CADPS: variants seen among roughly 807,000 people sequenced by gnomAD.
CADPS encodes calcium dependent secretion activator, also known as calcium-dependent secretion activator 1.
CADPS carries 57 observed loss-of-function variants against 167.3 expected under a neutral mutation model. The observed-to-expected ratio is 0.34, with a 90% CI of 0.28 to 0.42. The LOEUF (loss-of-function observed/expected upper bound fraction) is 0.42. Ranked by LOEUF, CADPS falls within the 20% of genes least tolerant of loss-of-function variation. CADPS has a pLI of 1.00. For missense variants in CADPS, 1,414 were observed against 1,738.1 expected, an observed-to-expected ratio of 0.81 and a Z score of 3.32; for synonymous variants, 676 against 635.3, an observed-to-expected ratio of 1.06 and a Z score of -0.96.
intron 7 of CADPS, among the ~76,000 whole-genome samples, chr3:62,591,802 C>T (rs1350474004): frequency 6.6e-6 from 1 of 152,086 alleles, no homozygotes; most frequent in Non-Finnish European, 1.5e-5. Flanking sequence ...ATAATTGGTG[C>T]CAGTCCCTGT....
chr3:62,731,366 A>G (rs939263225), intron 3 of CADPS, among the ~76,000 whole-genome samples: 8 of 152,152 alleles, frequency 5.3e-5, no homozygotes, highest in African/African-American at 1.9e-4. Context: ...GCTGCTGCCT[A>G]CTTTGGAGGT....
chr3:62,704,518 G>T (rs1257508396), intron 3 of CADPS, among the ~76,000 whole-genome samples: 1 of 151,978 alleles, frequency 6.6e-6, no homozygotes. Flanking sequence ...TTTACTTTTT[G>T]TGCCCCCAAC....
intron 3 of CADPS, among the ~76,000 whole-genome samples, chr3:62,699,009 G>A (rs1177999061): frequency 4.0e-5 from 6 of 151,888 alleles, no homozygotes; most frequent in African/African-American, 1.2e-4. Flanking sequence ...GTGGTGTTTG[G>A]TTACATGAAT....
intron 6 of CADPS, among the ~76,000 whole-genome samples, chr3:62,621,096 T>G (rs1266805061): frequency 1.3e-5 from 2 of 152,194 alleles, no homozygotes; most frequent in Admixed American, 6.5e-5. Flanking sequence ...GTATCCAAAG[T>G]GTCATAGGTT....
chr3:62,492,139 C>T, intron 20 of CADPS, 151 bp downstream of exon 20: 1 of 673,778 alleles, frequency 1.5e-6, no homozygotes, highest in Admixed American at 2.5e-5. Flanking sequence ...TACCCTTCAG[C>T]TGTATGTTTC....
chr3:62,760,594 T>C (rs1278879741), intron 2 of CADPS, among the ~76,000 whole-genome samples: 6 of 152,088 alleles, frequency 3.9e-5, no homozygotes, highest in Admixed American at 3.9e-4. Context: ...GCCTGCCACC[T>C]CCTGCCTCCT....
intron 1 of CADPS, 37 bp from the exon 2 acceptor site, chr3:62,766,021 T>A: frequency 6.9e-7 from 1 of 1,439,912 alleles, no homozygotes. Flanking sequence ...TGTGAGAACT[T>A]GTCCTAGACA....
chr3:62,757,952 C>T (rs2084396007), intron 2 of CADPS, among the ~76,000 whole-genome samples: 1 of 152,182 alleles, frequency 6.6e-6, no homozygotes, highest in Non-Finnish European at 1.5e-5. Flanking sequence ...TGGGAAAGAC[C>T]TGCTCCCATG....
At chr3:62,501,132 A>G (rs897842430) in intron 17 of CADPS, among the ~76,000 whole-genome samples, 13 of 152,192 alleles carry the variant, frequency 8.5e-5, no homozygotes, top group African/African-American at 3.1e-4. Context: ...GCTGTGGGAA[A>G]CATAAACATG....
intron 6 of CADPS, among the ~76,000 whole-genome samples, chr3:62,640,021 G>A (rs1408668330): frequency 2.0e-5 from 3 of 152,036 alleles, no homozygotes; most frequent in Non-Finnish European, 4.4e-5. Context: ...TTTGTTTATT[G>A]CCTATGTCCC....
intron 28 of CADPS, chr3:62,404,839 T>C (rs931864079): frequency 4.1e-5 from 6 of 144,596 alleles, no homozygotes; most frequent in South Asian, 2.3e-4. Flanking sequence ...GGGTGTTTGC[T>C]GGGGTCAAGC....
intron 3 of CADPS, among the ~76,000 whole-genome samples, chr3:62,742,411 A>G (rs1430946318): frequency 7.2e-5 from 11 of 152,232 alleles, no homozygotes; most frequent in African/African-American, 2.2e-4. Flanking sequence ...ACAGCATTGT[A>G]CTTGTAGAAA....
chr3:62,610,040 G>C (rs760333732), intron 6 of CADPS, among the ~76,000 whole-genome samples: 2 of 151,898 alleles, frequency 1.3e-5, no homozygotes, highest in African/African-American at 2.4e-5. Flanking sequence ...AGAGAGTCAA[G>C]ACTGAGCCAC....
chr3:62,408,536 T>C (rs1183263006), intron 28 of CADPS, among the ~76,000 whole-genome samples: 2 of 152,286 alleles, frequency 1.3e-5, no homozygotes, highest in South Asian at 4.1e-4. Flanking sequence ...CTGGACATTA[T>C]AGGATTCACA....
chr3:62,686,656 C>T (rs2078101140), intron 3 of CADPS, among the ~76,000 whole-genome samples: 1 of 151,984 alleles, frequency 6.6e-6, no homozygotes, highest in Admixed American at 6.6e-5. Flanking sequence ...CATTCCCATT[C>T]TTTCTGATTT....
rs2054282870 is a variant in CADPS, at chr3:62,433,051, A to C, written c.3777+5053T>G. 6.6e-6 allele frequency among the ~76,000 whole-genome samples: 1 copy of C among 152,112 alleles called. No homozygotes were observed. The highest frequency in any genetic ancestry group is 6.6e-5 in the Admixed American group (1 of 15,260). On this transcript the variant is annotated intron_variant, in intron 28 of 29. Coordinates refer to ENST00000383710, the MANE Select transcript of CADPS (RefSeq NM_003716.4). This position sits in a 1 kb window ranked among gnomAD's most constrained non-coding sequence, Gnocchi z 4.7. ...GGACAGCTGGTGATATACCTTACAG[A>C]TATAGCGTCATGTCCTCCTTGTAGC...
chr3:62,807,380 G>A (rs2094156456), intron 1 of CADPS, among the ~76,000 whole-genome samples: 1 of 151,432 alleles, frequency 6.6e-6, no homozygotes, highest in African/African-American at 2.4e-5. Context: ...TCCTGCCTCA[G>A]ATTCCCAAGT....
chr3:62,456,115 T>C (rs1252429987), intron 26 of CADPS, among the ~76,000 whole-genome samples: 3 of 152,164 alleles, frequency 2.0e-5, no homozygotes, highest in Non-Finnish European at 2.9e-5. Context: ...TCTATTAAAC[T>C]AGCTGTGCAA....
At position 62,721,140 on chromosome 3, in the gene CADPS, A is replaced by ATTTTTTTTT. The variant is rs1564299964; in HGVS notation, c.888+32300_888+32301insAAAAAAAAA. On this transcript the variant is annotated intron_variant, in intron 3 of 29. Transcript: ENST00000383710. ...CAGGTTTTTTTTTTTTTTTTAAAAA[A>ATTTTTTTTT]AAAAAGAAGAAAAAAGAAAAAGTAA... is the stretch of plus-strand genomic sequence containing the variant. 2.6e-5 allele frequency among the ~76,000 whole-genome samples: 2 copies of ATTTTTTTTT among 77,478 alleles called. 1 individual carries two copies. The highest frequency in any genetic ancestry group is 9.7e-4 in the South Asian group (2 of 2,052). 50.8% of individuals were successfully genotyped at this position (77,478 alleles called of 152,430 possible).
Sources: gnomAD v4.1 joint callset for allele counts (sites outside exome capture counted in the v4.1 genomes callset) on GRCh38, gnomAD v4.1.1 for gene constraint, Gnocchi (gnomAD v3.1) non-coding constraint, MANE v1.5 for transcripts, NCBI Gene and HGNC (gene_info 2026-07-23, HGNC 2026-07-21) for gene names.